MTUS2: variants seen among roughly 807,000 people sequenced by gnomAD.
MTUS2 encodes microtubule-associated tumor suppressor candidate 2.
Under a neutral mutation model 114.1 loss-of-function variants are expected in MTUS2, and 40 were observed. The observed-to-expected ratio is 0.35, with a 90% CI of 0.27 to 0.46. The LOEUF (loss-of-function observed/expected upper bound fraction) is 0.46. Among genes scored for constraint, MTUS2 ranks in the 20% least tolerant of loss-of-function variants. MTUS2 has a pLI of 1.00. For missense variants in MTUS2, 1,679 were observed against 1,705.4 expected, an observed-to-expected ratio of 0.98 and a Z score of 0.27; for synonymous variants, 688 against 672.0, an observed-to-expected ratio of 1.02 and a Z score of -0.37.
intron 6 of MTUS2, among the ~76,000 whole-genome samples, chr13:29,316,973 A>G (rs73168255): frequency 0.073 from 11,144 of 152,262 alleles, 448 homozygotes; most frequent in Non-Finnish European, 0.085. Context: ...TTGATCAGTG[A>G]ATTTATTGGG....
intron 5 of MTUS2, among the ~76,000 whole-genome samples, chr13:29,240,737 A>G (rs1471074918): frequency 5.9e-5 from 9 of 152,204 alleles, no homozygotes; most frequent in Admixed American, 5.9e-4. Flanking sequence ...TGTGGGATGC[A>G]TATTCTTAGC....
chr13:28,950,544 T>C (rs540535334), intron 2 of MTUS2, among the ~76,000 whole-genome samples: 2 of 152,336 alleles, frequency 1.3e-5, no homozygotes, highest in African/African-American at 4.8e-5. Context: ...CTTTTCTGTT[T>C]TCTTCTAAGA....
rs1490388176 is a variant in MTUS2 at position 29,024,983 on chromosome 13, G to A, written c.285G>A (p.Leu95=). The A allele has an allele frequency of 6.2e-7, 1 of 1,613,132 alleles. No individual in the cohort carries two copies. Among genetic ancestry groups the A allele is most frequent in the African/African-American group, 1.3e-5 (1 of 74,808 alleles). ...GCTCTCAGGCTGGCTCTGCCAGCCTGAAAGATTTTAGACTTTCTTCAACCA... is the reference window on the plus strand; with the variant it reads ...GCTCTCAGGCTGGCTCTGCCAGCCTAAAAGATTTTAGACTTTCTTCAACCA... ...GKGSQAGSAS[L]KDFRLSSTIQ... Residue 95 remains leucine (L), a synonymous_variant, in exon 3 of 16, where the codon CTG becomes CTA. Coordinates refer to ENST00000612955, the MANE Select transcript of MTUS2 (RefSeq NM_001033602.4).
intron 2 of MTUS2, among the ~76,000 whole-genome samples, chr13:28,947,655 G>A (rs1593323707): frequency 1.3e-5 from 2 of 152,156 alleles, no homozygotes; most frequent in East Asian, 1.9e-4. Flanking sequence ...CACTCAGTAT[G>A]TAAAGAATCT....
intron 2 of MTUS2, among the ~76,000 whole-genome samples, chr13:28,987,882 A>G (rs1221449607): frequency 6.6e-6 from 1 of 152,220 alleles, no homozygotes; most frequent in Non-Finnish European, 1.5e-5. Context: ...AAAAACAAAA[A>G]GCACATACCA....
chr13:29,324,170 T>C (rs1233387948), intron 6 of MTUS2, among the ~76,000 whole-genome samples: 1 of 152,202 alleles, frequency 6.6e-6, no homozygotes, highest in Non-Finnish European at 1.5e-5. Flanking sequence ...ATGTCCCCCG[T>C]GGCTTGGCTC....
Position 29,025,360 on chromosome 13 carries a change from C to T in MTUS2, c.662C>T (p.Pro221Leu). The change falls in exon 3 of 16, where the codon CCA becomes CTA. Residue 221 changes from proline (P) to leucine (L), a missense_variant. Transcript: ENST00000612955. ...GGGEGPQKTL[P>L]DHAVPAAFPA... ...GGGGAGGGGCCACAGAAGACATTGC[C>T]AGACCACGCTGTCCCGGCAGCTTTC... 3 of 1,613,842 alleles carry T rather than the reference C, an allele frequency of 1.9e-6. No homozygotes were observed. The highest frequency in any genetic ancestry group is 1.7e-6 in the Non-Finnish European group (2 of 1,179,894).
intron 2 of MTUS2, among the ~76,000 whole-genome samples, chr13:28,932,441 C>T (rs184473802): frequency 1.3e-5 from 2 of 152,212 alleles, no homozygotes; most frequent in East Asian, 3.9e-4. Context: ...CTGTGGGGGT[C>T]CTGGAACCAA....
chr13:29,010,636 T>A (rs929920361), intron 2 of MTUS2, among the ~76,000 whole-genome samples: 1 of 151,954 alleles, frequency 6.6e-6, no homozygotes. Context: ...TCTGTCCCCC[T>A]GCTGTGGGGA....
intron 4 of MTUS2, among the ~76,000 whole-genome samples, chr13:29,095,721 C>CTTT (rs35185631): frequency 6.7e-6 from 1 of 150,008 alleles, no homozygotes; most frequent in Non-Finnish European, 1.5e-5. Context: ...TTCAAGTTCA[C>CTTT]TTTTTTTTTC....
chr13:28,859,448 A>G (rs1371366774), intron 2 of MTUS2, among the ~76,000 whole-genome samples: 2 of 152,078 alleles, frequency 1.3e-5, no homozygotes, highest in Non-Finnish European at 2.9e-5. Context: ...CCCCATTCGT[A>G]AGCTGGCCCT....
At chr13:28,909,092 G>T (rs1451680305) in intron 2 of MTUS2, among the ~76,000 whole-genome samples, 1 of 151,504 alleles carries the variant, frequency 6.6e-6, no homozygotes. Flanking sequence ...GGTTACTGTA[G>T]CCTTGTAGTA....
chr13:29,320,350 G>A (rs1900202399), intron 6 of MTUS2, among the ~76,000 whole-genome samples: 2 of 152,218 alleles, frequency 1.3e-5, no homozygotes, highest in South Asian at 4.1e-4. Flanking sequence ...TCAGCCCAGT[G>A]AGCCTGATTT....
chr13:29,422,494 C>G (rs1012783051), intron 8 of MTUS2, among the ~76,000 whole-genome samples: 4 of 152,156 alleles, frequency 2.6e-5, no homozygotes, highest in African/African-American at 7.2e-5. Context: ...TCCAAGGAGA[C>G]CCACCATTAG....
intron 5 of MTUS2, among the ~76,000 whole-genome samples, chr13:29,124,608 C>T (rs555998629): frequency 6.6e-6 from 1 of 152,212 alleles, no homozygotes; most frequent in Non-Finnish European, 1.5e-5. Flanking sequence ...TGAAAGCAGG[C>T]TTGTGAAGAG....
intron 9 of MTUS2, among the ~76,000 whole-genome samples, chr13:29,478,339 TTA>T (rs1880862630): frequency 6.6e-6 from 1 of 152,204 alleles, no homozygotes; most frequent in South Asian, 2.1e-4. Flanking sequence ...GGGAAAGCCC[TTA>T]TTTGTAGGGA....
intron 9 of MTUS2, among the ~76,000 whole-genome samples, chr13:29,441,776 C>T (rs1004282882): frequency 1.3e-5 from 2 of 152,138 alleles, no homozygotes; most frequent in African/African-American, 2.4e-5. Flanking sequence ...ACACATTGTA[C>T]ATGTGTGCAC....
At chr13:29,423,147 G>A (rs1364144120) in intron 8 of MTUS2, among the ~76,000 whole-genome samples, 1 of 152,152 alleles carries the variant, frequency 6.6e-6, no homozygotes, top group African/African-American at 2.4e-5. Context: ...CCTCTACCTG[G>A]AATTTAGGCC....
chr13:29,334,719 C>G (rs912800840), intron 7 of MTUS2, among the ~76,000 whole-genome samples: 2 of 152,108 alleles, frequency 1.3e-5, no homozygotes, highest in African/African-American at 4.8e-5. Flanking sequence ...GTGGTGTTCT[C>G]TATATCTTCT....
Sources: gnomAD v4.1 joint callset for allele counts (sites outside exome capture counted in the v4.1 genomes callset) on GRCh38, gnomAD v4.1.1 for gene constraint, MANE v1.5 for transcripts, NCBI Gene and HGNC (gene_info 2026-07-23, HGNC 2026-07-21) for gene names.